The following PRMT8 variants were observed in gnomAD, a reference collection of about 807,000 sequenced individuals.
PRMT8 encodes protein arginine methyltransferase 8.
PRMT8 carries 7 observed loss-of-function variants against 47.1 expected under a neutral mutation model. The ratio of observed to expected loss-of-function variants is 0.15; its 90% confidence interval spans 0.08 to 0.28. PRMT8 has a LOEUF of 0.28. Among genes scored for constraint, PRMT8 ranks in the 10% least tolerant of loss-of-function variants. The pLI is 1.00. For synonymous variants in PRMT8, 188 were observed against 186.5 expected, an observed-to-expected ratio of 1.01 and a Z score of -0.07; for missense variants, 237 against 505.4, an observed-to-expected ratio of 0.47 and a Z score of 5.09.
intron 1 of PRMT8, among the ~76,000 whole-genome samples, chr12:3,428,694 C>T (rs1864634938): frequency 6.6e-6 from 1 of 150,692 alleles, no homozygotes; most frequent in Admixed American, 6.6e-5. Context: ...GTATTTCTTT[C>T]TCTCTTTGAC....
chr12:3,512,560 C>A (rs1865729348), intron 1 of PRMT8, among the ~76,000 whole-genome samples: 1 of 152,170 alleles, frequency 6.6e-6, no homozygotes, highest in African/African-American at 2.4e-5. Context: ...AGAGGCCTCC[C>A]TTACTCTCAA....
At chr12:3,470,171 T>G (rs1367917032) in intron 1 of PRMT8, among the ~76,000 whole-genome samples, 2 of 152,204 alleles carry the variant, frequency 1.3e-5, no homozygotes, top group Non-Finnish European at 2.9e-5. Context: ...ACCCCTGGTT[T>G]CAAATAGCAG....
chr12:3,430,624 T>C (rs1194428917), intron 1 of PRMT8, among the ~76,000 whole-genome samples: 1 of 152,272 alleles, frequency 6.6e-6, no homozygotes, highest in East Asian at 1.9e-4. Flanking sequence ...TTTAAAATTG[T>C]CAAGTGACGT....
intron 1 of PRMT8, among the ~76,000 whole-genome samples, chr12:3,527,053 T>C (rs1865958484): frequency 6.6e-6 from 1 of 152,194 alleles, no homozygotes; most frequent in African/African-American, 2.4e-5. Context: ...TATCTGTTCT[T>C]TGTTATGCTT....
intron 3 of PRMT8, 94 bp from the exon 4 acceptor site, chr12:3,553,557 T>A: frequency 9.2e-7 from 1 of 1,089,868 alleles, no homozygotes. Flanking sequence ...TCACCACCCC[T>A]GTCTGGGCCT....
chr12:3,588,859 C>T (rs1867237558), intron 8 of PRMT8, among the ~76,000 whole-genome samples: 1 of 152,168 alleles, frequency 6.6e-6, no homozygotes, highest in Admixed American at 6.5e-5. Context: ...GCCAGTTGTA[C>T]AATCTGGATG....
chr12:3,446,141 T>C (rs1864853208), intron 1 of PRMT8, among the ~76,000 whole-genome samples: 1 of 152,106 alleles, frequency 6.6e-6, no homozygotes, highest in Non-Finnish European at 1.5e-5. Flanking sequence ...CTAAAGCCCA[T>C]GAATGACACT....
At chr12:3,549,849 C>T in intron 2 of PRMT8, 87 bp from the exon 3 acceptor site, 2 of 1,505,608 alleles carry the variant, frequency 1.3e-6, no homozygotes, top group Admixed American at 3.4e-5. Context: ...GAAGGGTCAC[C>T]TGGGGTGGTC....
At chr12:3,402,251 A>G (rs1266733290) in intron 1 of PRMT8, among the ~76,000 whole-genome samples, 1 of 151,572 alleles carries the variant, frequency 6.6e-6, no homozygotes, top group Non-Finnish European at 1.5e-5. Context: ...GTTAATAGGA[A>G]CTGGGAGAAC....
At chr12:3,544,074 G>A (rs370027306) in intron 2 of PRMT8, among the ~76,000 whole-genome samples, 6 of 152,294 alleles carry the variant, frequency 3.9e-5, no homozygotes, top group African/African-American at 1.4e-4. Context: ...ACTCTTTGGG[G>A]CCTTATAGTC....
At position 3,538,949 on chromosome 12, in the gene PRMT8, C is replaced by A. The variant is rs1345637987; in HGVS notation, c.76-1657C>A. 6.6e-6 allele frequency among the ~76,000 whole-genome samples: 1 copy of A among 152,178 alleles called. No homozygotes were observed. Among genetic ancestry groups the A allele is most frequent in the Non-Finnish European group, 1.5e-5 (1 of 68,030 alleles). ...AGGTACACTGGGAAGATGGGACCATCCCACTGCCCCCAGCTCACTCCCCTG... is the reference window on the plus strand; with the variant it reads ...AGGTACACTGGGAAGATGGGACCATACCACTGCCCCCAGCTCACTCCCCTG... On this transcript the variant is annotated intron_variant, in intron 1 of 9. Coordinates refer to ENST00000382622, the MANE Select transcript of PRMT8 (RefSeq NM_019854.5). The surrounding 1 kb of genome is among the most constrained non-coding windows in gnomAD (Gnocchi z 4.6).
At chr12:3,567,570 T>G (rs1234685441) in intron 4 of PRMT8, among the ~76,000 whole-genome samples, 1 of 152,192 alleles carries the variant, frequency 6.6e-6, no homozygotes, top group Non-Finnish European at 1.5e-5. Flanking sequence ...ATATCAGATC[T>G]GGGCTCTGTT....
chr12:3,404,904 C>G (rs988693910), intron 1 of PRMT8, among the ~76,000 whole-genome samples: 8 of 152,100 alleles, frequency 5.3e-5, no homozygotes, highest in African/African-American at 1.7e-4. Context: ...CTCTCTTTAT[C>G]CTGAGTAATG....
intron 1 of PRMT8, among the ~76,000 whole-genome samples, chr12:3,434,060 G>T (rs574136135): frequency 3.9e-5 from 6 of 152,210 alleles, no homozygotes; most frequent in Non-Finnish European, 2.9e-5. Flanking sequence ...GGAGCAGGAA[G>T]GGAGAATGAA....
chr12:3,561,598 G>A (rs1410760038), intron 4 of PRMT8, among the ~76,000 whole-genome samples: 8 of 152,136 alleles, frequency 5.3e-5, no homozygotes, highest in Non-Finnish European at 1.2e-4. Flanking sequence ...TCTACATTAG[G>A]CTCTTAACCA....
chr12:3,457,462 C>A (rs1864986971), intron 1 of PRMT8, among the ~76,000 whole-genome samples: 1 of 152,026 alleles, frequency 6.6e-6, no homozygotes, highest in African/African-American at 2.4e-5. Context: ...GTGCATGCGC[C>A]ACCACATCCA....
chr12:3,511,361 G>A (rs1005041432), intron 1 of PRMT8, among the ~76,000 whole-genome samples: 1 of 152,176 alleles, frequency 6.6e-6, no homozygotes, highest in African/African-American at 2.4e-5. Context: ...AGGAAGACTT[G>A]GACAAAGAAC....
At chr12:3,585,139 A>G (rs1867142787) in intron 8 of PRMT8, among the ~76,000 whole-genome samples, 1 of 152,082 alleles carries the variant, frequency 6.6e-6, no homozygotes, top group Admixed American at 6.6e-5. Context: ...GCACAGTTCT[A>G]AACAAATTGC....
At chr12:3,442,739 A>G (rs1864816452) in intron 1 of PRMT8, among the ~76,000 whole-genome samples, 2 of 152,034 alleles carry the variant, frequency 1.3e-5, no homozygotes, top group Non-Finnish European at 2.9e-5. Flanking sequence ...GCTCACTGCA[A>G]CCTCCACCTC....
Sources: gnomAD v4.1 joint callset for allele counts (sites outside exome capture counted in the v4.1 genomes callset) on GRCh38, gnomAD v4.1.1 for gene constraint, Gnocchi (gnomAD v3.1) non-coding constraint, MANE v1.5 for transcripts, NCBI Gene and HGNC (gene_info 2026-07-23, HGNC 2026-07-21) for gene names.